POLR1C: variants seen among roughly 807,000 people sequenced by gnomAD.
The protein encoded by POLR1C is DNA-directed RNA polymerases I and III subunit RPAC1.
Under a neutral mutation model 38.3 loss-of-function variants are expected in POLR1C, and 42 were observed. The observed-to-expected ratio is 1.10, with a 90% confidence interval of 0.86 to 1.42. The LOEUF (loss-of-function observed/expected upper bound fraction) is 1.42, where lower values mean the gene tolerates loss of function less well. POLR1C is among the 40% of genes most tolerant of loss of function. POLR1C has a pLI of 0.00. For synonymous variants in POLR1C, 163 were observed against 163.9 expected (o/e 0.99, Z 0.04); for missense variants, 507 against 450.5 (o/e 1.13, Z -1.14).
chr6:43,530,586 TC>T, downstream of POLR1C: 1 of 1,364,670 alleles, frequency 7.3e-7, no homozygotes, highest in East Asian at 2.3e-5. Context: ...TCTCATCTCT[TC>T]CTTCCAGTTC....
At chr6:43,523,204 A>T (rs1793305286), downstream of POLR1C, 1 of 171,606 alleles carries the variant, frequency 5.8e-6, no homozygotes. Flanking sequence ...TTAGCACTAA[A>T]GACTTCCCAG....
chr6:43,554,994 T>A (rs1044387389), intron 10 of POLR1C: 21 of 146,376 alleles, frequency 1.4e-4, no homozygotes, highest in African/African-American at 5.1e-4. Context: ...CAGGCTGGAG[T>A]ACAATGGCGC....
chr6:43,548,154 G>T, intron 9 of POLR1C: 3 of 1,085,092 alleles, frequency 2.8e-6, no homozygotes, highest in Non-Finnish European at 3.9e-6. Context: ...CATGGATAAT[G>T]CCATCACACT....
chr6:43,538,442 G>A (rs1469532085), intron 9 of POLR1C, among the ~76,000 whole-genome samples: 6 of 152,020 alleles, frequency 3.9e-5, no homozygotes, highest in Admixed American at 3.3e-4. Context: ...GAGGCACCAC[G>A]CTAAGCCTAA....
chr6:43,560,306 A>G (rs2127743975), intron 10 of POLR1C: 1 of 1,595,080 alleles, frequency 6.3e-7, no homozygotes. Flanking sequence ...CGTAGAAACT[A>G]AAGAGAAAAA....
chr6:43,522,463 CAATA>C (rs1204138313), downstream of POLR1C: 1 of 166,302 alleles, frequency 6.0e-6, no homozygotes, highest in Non-Finnish European at 1.3e-5. Context: ...TATTACAATG[CAATA>C]AATACAACTA....
chr6:43,536,559 C>T (rs961503904), intron 9 of POLR1C, among the ~76,000 whole-genome samples: 11 of 150,970 alleles, frequency 7.3e-5, no homozygotes, highest in African/African-American at 2.7e-4. Context: ...GAGTTCAAGA[C>T]CAGTCTCTGG....
At chr6:43,543,648 T>G (rs1027284212) in intron 9 of POLR1C, among the ~76,000 whole-genome samples, 2 of 152,050 alleles carry the variant, frequency 1.3e-5, no homozygotes, top group Admixed American at 1.3e-4. Flanking sequence ...ACATAAATGT[T>G]ACACTTCAAG....
intron 10 of POLR1C, chr6:43,556,182 T>A: frequency 2.0e-6 from 1 of 505,800 alleles, no homozygotes; most frequent in Non-Finnish European, 3.3e-6. Flanking sequence ...ACCAGCTAGA[T>A]CCTGTAAGTG....
Position 43,539,625 on chromosome 6 carries a change from T to C in POLR1C, c.*4+10266T>C, listed in dbSNP as rs916226324. The C allele has an allele frequency of 1.3e-5, 18 of 1,355,928 alleles. 1 individual carries two copies. The highest frequency in any genetic ancestry group is 1.4e-5 in the Non-Finnish European group (14 of 979,002). The allele number at this position is 1,355,928 out of a possible 1,614,324, so 84.0% of individuals were successfully genotyped here. ...CCCCGGATGCCACTGGCGAAACCTC[T>C]GCGGAAGCCACCGCGGTTCCCCATC... On this transcript the variant is annotated intron_variant, in intron 9 of 10. Transcript: ENST00000607635.
chr6:43,560,928 C>G, intron 10 of POLR1C: 1 of 1,613,780 alleles, frequency 6.2e-7, no homozygotes, highest in Non-Finnish European at 8.5e-7. Context: ...GTTTACCTGA[C>G]TTGGATGGGT....
rs370562231 is a variant in POLR1C at position 43,560,195 on chromosome 6, T to C, written c.*49-1205T>C. On this transcript the variant is annotated intron_variant, in intron 10 of 10. Coordinates refer to the POLR1C transcript ENST00000607635. ...TTATATACCTTGACCAAGTTAGTCA[T>C]GGAAGCACGAAGATATTTTGGTATT... The C allele has an allele frequency of 1.1e-4, 185 of 1,612,594 alleles. No homozygotes were observed. The highest frequency in any genetic ancestry group is 1.4e-4 in the Non-Finnish European group (170 of 1,179,304).
At chr6:43,526,515 T>C in intron 8 of POLR1C, 1 of 685,268 alleles carries the variant, frequency 1.5e-6, no homozygotes, top group East Asian at 2.8e-5. Flanking sequence ...GTGCAAAGGC[T>C]TGGAGGTGGG....
At chr6:43,553,367 A>T in intron 10 of POLR1C, 1 of 1,605,602 alleles carries the variant, frequency 6.2e-7, no homozygotes, top group Non-Finnish European at 8.5e-7. Context: ...GGAAATAATT[A>T]CTTACTTCTC....
At chr6:43,546,636 T>G (rs765306530) in intron 9 of POLR1C, 6 of 1,613,896 alleles carry the variant, frequency 3.7e-6, no homozygotes, top group Admixed American at 3.3e-5. Context: ...TACGGAAGAT[T>G]GGATTTCCAC....
chr6:43,533,888 A>G, downstream of POLR1C: 1 of 1,566,250 alleles, frequency 6.4e-7, no homozygotes, highest in South Asian at 1.1e-5. Context: ...CTTAGGAGAA[A>G]AAAGGTTACA....
chr6:43,517,741 G>A (rs1374465981), intron 2 of POLR1C, among the ~76,000 whole-genome samples: 1 of 152,000 alleles, frequency 6.6e-6, no homozygotes, highest in Non-Finnish European at 1.5e-5. Flanking sequence ...AGCCTTGAAT[G>A]GTAAGTAAAA....
chr6:43,524,639 A>G (rs778510766), downstream of POLR1C: 11 of 1,613,488 alleles, frequency 6.8e-6, no homozygotes, highest in East Asian at 2.2e-5. Context: ...TGGGGCGCTG[A>G]TATCAGCAGG....
At chr6:43,548,277 A>T in intron 9 of POLR1C, 1 of 1,610,340 alleles carries the variant, frequency 6.2e-7, no homozygotes, top group Non-Finnish European at 8.5e-7. Flanking sequence ...ATGTCTTGAG[A>T]AAGCCAGATG....
Sources: allele counts gnomAD v4.1 joint callset (sites outside exome capture counted in the v4.1 genomes callset), GRCh38; gene constraint gnomAD v4.1.1; transcripts MANE v1.5; gene names NCBI Gene and HGNC (gene_info 2026-07-23, HGNC 2026-07-21).